The following DNAJB6 variants were observed in gnomAD, a reference collection of about 807,000 sequenced individuals.
The protein encoded by DNAJB6 is DnaJ heat shock protein family (Hsp40) member B6, also known as dnaJ homolog subfamily B member 6.
DNAJB6 carries 16 observed loss-of-function variants against 42.7 expected under a neutral mutation model. That is an observed-to-expected ratio of 0.37 (90% CI 0.25 to 0.57). The LOEUF is 0.57. Ranked by LOEUF, DNAJB6 falls within the 20% of genes least tolerant of loss-of-function variation. The pLI is 0.74. For synonymous variants in DNAJB6, 170 were observed against 163.5 expected, an observed-to-expected ratio of 1.04 and a Z score of -0.30; for missense variants, 347 against 416.8, an observed-to-expected ratio of 0.83 and a Z score of 1.46.
intron 1 of DNAJB6, chr7:157,340,104 A>T (rs534834615): frequency 1.3e-5 from 2 of 152,362 alleles, no homozygotes; most frequent in South Asian, 2.1e-4. Flanking sequence ...GTTGAGGAAT[A>T]AGAGAATGTA....
chr7:157,343,178 T>C (rs1269891001), intron 1 of DNAJB6, among the ~76,000 whole-genome samples: 1 of 138,248 alleles, frequency 7.2e-6, no homozygotes, highest in East Asian at 2.1e-4. Context: ...TTTTTTTTTT[T>C]AAGACAGAGT....
intron 8 of DNAJB6, among the ~76,000 whole-genome samples, chr7:157,390,773 G>T (rs145031297): frequency 6.6e-6 from 1 of 152,202 alleles, no homozygotes; most frequent in African/African-American, 2.4e-5. Flanking sequence ...TGATAATGGC[G>T]TGTGGGGGAG....
intron 8 of DNAJB6, among the ~76,000 whole-genome samples, chr7:157,394,218 C>T (rs767884721): frequency 6.6e-6 from 1 of 152,162 alleles, no homozygotes; most frequent in Non-Finnish European, 1.5e-5. Flanking sequence ...TTTTAAATTT[C>T]TATTTTCATT....
At chr7:157,340,807 G>T (rs1798321846) in intron 1 of DNAJB6, among the ~76,000 whole-genome samples, 2 of 152,006 alleles carry the variant, frequency 1.3e-5, no homozygotes, top group Admixed American at 6.6e-5. Flanking sequence ...TAGCTGGGAT[G>T]ACAGGCGCGT....
At chr7:157,343,762 GT>G (rs908189985) in intron 1 of DNAJB6, among the ~76,000 whole-genome samples, 9 of 152,032 alleles carry the variant, frequency 5.9e-5, no homozygotes, top group African/African-American at 2.2e-4. Flanking sequence ...TATGTGACGT[GT>G]TTTTTTAAAA....
chr7:157,338,502 T>G (rs1158376990), intron 1 of DNAJB6, among the ~76,000 whole-genome samples: 4 of 152,038 alleles, frequency 2.6e-5, no homozygotes, highest in Non-Finnish European at 4.4e-5. Context: ...TCCGACTAAT[T>G]TTTGTATTTT....
intron 1 of DNAJB6, among the ~76,000 whole-genome samples, chr7:157,355,713 C>T (rs150959459): frequency 3.9e-5 from 6 of 152,302 alleles, no homozygotes; most frequent in Non-Finnish European, 7.4e-5. Flanking sequence ...GTGAGGGCAT[C>T]CACTCCAGGG....
chr7:157,415,836 G>A (rs1796095034), intron 9 of DNAJB6, among the ~76,000 whole-genome samples, 180 bp from the exon 10 acceptor site: 2 of 152,236 alleles, frequency 1.3e-5, no homozygotes, highest in Admixed American at 1.3e-4. Context: ...GGTAGTGTGA[G>A]CAGTTCTCAA....
chr7:157,398,506 C>G (rs191962342), intron 8 of DNAJB6, among the ~76,000 whole-genome samples: 94 of 152,342 alleles, frequency 6.2e-4, no homozygotes, highest in African/African-American at 2.2e-3. Context: ...GCACTCCATT[C>G]AGACTCCATT....
chr7:157,396,183 A>G (rs1801577025), intron 8 of DNAJB6, among the ~76,000 whole-genome samples: 1 of 152,070 alleles, frequency 6.6e-6, no homozygotes, highest in Non-Finnish European at 1.5e-5. Context: ...CCCTGACCTC[A>G]GGCAATCTGC....
At chr7:157,408,569 A>G (rs6459772) in intron 8 of DNAJB6, among the ~76,000 whole-genome samples, 102,034 of 152,180 alleles carry the variant, frequency 0.67, 34,346 homozygotes, top group Admixed American at 0.75. Flanking sequence ...TGGTCTCCAA[A>G]GACCAGAGCC....
intron 1 of DNAJB6, among the ~76,000 whole-genome samples, chr7:157,344,362 A>G (rs906686032): frequency 1.3e-5 from 2 of 152,026 alleles, no homozygotes; most frequent in Non-Finnish European, 2.9e-5. Flanking sequence ...AAAAAAAAAA[A>G]AATAGCCAGG....
At position 157,366,626 on chromosome 7, in the gene DNAJB6, A is replaced by T. The variant is rs147118352; in HGVS notation, c.235+65A>T. The T allele has an allele frequency of 1.0e-3, 1,543 of 1,472,000 alleles. 18 individuals are homozygous for T. In the African/African-American group the frequency reaches 0.019, roughly 18 times the overall value. 91.2% of individuals were successfully genotyped at this position (1,472,000 alleles called of 1,614,324 possible). On this transcript the variant is annotated intron_variant, in intron 4 of 9. Coordinates refer to ENST00000262177, the MANE Select transcript of DNAJB6 (RefSeq NM_058246.4). ...GGCAAGTAAGTTGAGTTTGTAAATC[A>T]CGAGTCTCTTGGTCAGAGTCGATTT...
At chr7:157,345,605 T>C (rs1047208104) in intron 1 of DNAJB6, among the ~76,000 whole-genome samples, 1 of 152,326 alleles carries the variant, frequency 6.6e-6, no homozygotes, top group African/African-American at 2.4e-5. Context: ...CTTTGCTGTC[T>C]AGAAGCTTTT....
chr7:157,408,835 C>T (rs995542137), intron 8 of DNAJB6, among the ~76,000 whole-genome samples: 10 of 152,396 alleles, frequency 6.6e-5, no homozygotes, highest in Middle Eastern at 3.4e-3. Flanking sequence ...ATGGGGCCGC[C>T]CCTGGCGTAA....
At chr7:157,358,463 T>C in intron 1 of DNAJB6, 84 bp from the exon 2 acceptor site, 1 of 842,428 alleles carries the variant, frequency 1.2e-6, no homozygotes, top group Admixed American at 2.0e-5. Context: ...ACACCACCCC[T>C]TCCTCCCTCT....
At chr7:157,375,641 A>G (rs929383627) in intron 5 of DNAJB6, among the ~76,000 whole-genome samples, 2 of 152,220 alleles carry the variant, frequency 1.3e-5, no homozygotes, top group African/African-American at 4.8e-5. Context: ...CGTGCACTTC[A>G]GGGCGGAGCT....
intron 8 of DNAJB6, among the ~76,000 whole-genome samples, chr7:157,392,372 T>C (rs1424807634): frequency 1.3e-5 from 2 of 152,002 alleles, no homozygotes; most frequent in Non-Finnish European, 2.9e-5. Flanking sequence ...TTTTTTTTTT[T>C]TTTGGTTTTT....
intron 1 of DNAJB6, among the ~76,000 whole-genome samples, chr7:157,337,980 C>T (rs1798140556): frequency 6.6e-6 from 1 of 152,192 alleles, no homozygotes; most frequent in Admixed American, 6.6e-5. Flanking sequence ...CGTGCCACCA[C>T]CGAAGGGGTG....
Sources: gnomAD v4.1 joint callset for allele counts (sites outside exome capture counted in the v4.1 genomes callset) on GRCh38, gnomAD v4.1.1 for gene constraint, MANE v1.5 for transcripts, NCBI Gene and HGNC (gene_info 2026-07-23, HGNC 2026-07-21) for gene names.